CCDC80: variants seen among roughly 807,000 people sequenced by gnomAD.
The protein encoded by CCDC80 is coiled-coil domain-containing protein 80.
In CCDC80, 49 loss-of-function variants were observed where a neutral mutation model predicts 78.7. The observed-to-expected ratio is 0.62, with a 90% CI of 0.50 to 0.79. CCDC80 has a LOEUF of 0.79. Among genes scored for constraint, CCDC80 ranks in the 30% least tolerant of loss-of-function variants. The pLI is 0.00. For missense variants in CCDC80, 1,205 were observed against 1,198.6 expected, an observed-to-expected ratio of 1.01 and a Z score of -0.08; for synonymous variants, 488 against 447.0, an observed-to-expected ratio of 1.09 and a Z score of -1.16.
In CCDC80 at chr3:112,638,024, T is replaced by C; in HGVS notation, c.1878+4A>G. On this transcript the variant is annotated splice_donor_region_variant and intron_variant, in intron 2 of 7. Coordinates refer to ENST00000206423, the MANE Select transcript of CCDC80 (RefSeq NM_199511.3). ...AGAAGAATGCCAAGGAGAAGGCTAC[T>C]TACAAGGAGTCTTCGTTTGCCTTCA... is the stretch of plus-strand genomic sequence containing the variant. 6.3e-7 allele frequency: 1 copy of C among 1,589,486 alleles called. No homozygotes were observed. The highest frequency in any genetic ancestry group is 8.5e-7 in the Non-Finnish European group (1 of 1,172,166).
chr3:112,636,337 G>A (rs1936207878), intron 2 of CCDC80, among the ~76,000 whole-genome samples: 1 of 151,418 alleles, frequency 6.6e-6, no homozygotes, highest in African/African-American at 2.4e-5. Flanking sequence ...GAATATCCAA[G>A]CGACCTGATA....
chr3:112,637,736 G>T (rs896784312), intron 2 of CCDC80, among the ~76,000 whole-genome samples: 3 of 152,188 alleles, frequency 2.0e-5, no homozygotes, highest in Admixed American at 6.5e-5. Flanking sequence ...GGTCCCTACA[G>T]GTCTAGAGGA....
intron 6 of CCDC80, 73 bp from the exon 7 acceptor site, chr3:112,607,329 T>C (rs965129234): frequency 3.8e-6 from 4 of 1,064,110 alleles, no homozygotes; most frequent in Admixed American, 4.6e-5. Context: ...AGCCCTGATA[T>C]CTGACAATTA....
intron 7 of CCDC80, 75 bp downstream of exon 7, chr3:112,607,101 T>C: frequency 9.1e-7 from 1 of 1,099,362 alleles, no homozygotes; most frequent in Non-Finnish European, 1.4e-6. Context: ...ATACACCCAC[T>C]GCTTGCATAT....
intron 2 of CCDC80, among the ~76,000 whole-genome samples, chr3:112,633,567 T>C (rs1327424742): frequency 1.3e-5 from 2 of 152,200 alleles, no homozygotes; most frequent in Admixed American, 1.3e-4. Context: ...TCCGGTTATA[T>C]AGATCACCCT....
At chr3:112,606,395 CTT>C (rs111596250) in intron 7 of CCDC80, among the ~76,000 whole-genome samples, 1 of 146,160 alleles carries the variant, frequency 6.8e-6, no homozygotes, top group African/African-American at 2.6e-5. Context: ...AGTCAAGAGT[CTT>C]TTTTTGTTTT....
At chr3:112,640,188 T>C in intron 1 of CCDC80, 139 bp downstream of exon 1, 1 of 431,168 alleles carries the variant, frequency 2.3e-6, no homozygotes, top group South Asian at 3.6e-5. Context: ...GCTTGTACTG[T>C]TTCAACTAAT....
Position 112,630,140 on chromosome 3 carries a change from T to C in CCDC80, c.2008A>G (p.Thr670Ala). The C allele has an allele frequency of 1.2e-6, 2 of 1,613,908 alleles. No individual in the cohort carries two copies. The highest frequency in any genetic ancestry group is 8.5e-7 in the Non-Finnish European group (1 of 1,179,834). The part of the protein sequence containing the change: ...ITIFGPVNNS[T>A]MKIDHFQLDN... ...AGCTGAAAGTGGTCGATTTTCATGG[T>C]GCTGTTGTTGACAGGGCCGAAGATG... is the stretch of plus-strand genomic sequence containing the variant. Residue 670 changes from threonine (T) to alanine (A), a missense_variant, in exon 3 of 8, where the codon ACC (threonine) becomes GCC (alanine). Thr to Ala is a moderately conservative substitution (Grantham distance 58, BLOSUM62 0). Transcript: ENST00000206423.
intron 5 of CCDC80, among the ~76,000 whole-genome samples, chr3:112,614,107 T>G (rs1025546677): frequency 1.3e-5 from 2 of 152,088 alleles, no homozygotes; most frequent in Non-Finnish European, 2.9e-5. Flanking sequence ...GATCTTTAAG[T>G]ACTAGGAAAG....
At chr3:112,615,848 T>C (rs973815854) in intron 5 of CCDC80, among the ~76,000 whole-genome samples, 2 of 152,110 alleles carry the variant, frequency 1.3e-5, no homozygotes, top group African/African-American at 4.8e-5. Context: ...CCCTATATGG[T>C]CTAAAAAGGA....
rs750608466 is a variant in CCDC80, at chr3:112,597,415, G to A, written c.*8002C>T. 7 of 152,178 alleles carry A rather than the reference G, an allele frequency of 4.6e-5. No homozygotes were observed. Among genetic ancestry groups the A allele is most frequent in the Non-Finnish European group, 8.8e-5 (6 of 68,032 alleles). The allele number at this position is 152,178 out of a possible 1,614,324, so 9.4% of individuals were successfully genotyped here. ...TCCTACTGCAGAGCTTCTTCACGTT[G>A]GAATGGTGAATAGGTACACATTTCT... On this transcript the variant is annotated 3_prime_UTR_variant, in exon 8 of 8. Coordinates refer to ENST00000206423, the MANE Select transcript of CCDC80 (RefSeq NM_199511.3).
rs1250810222 is a variant in CCDC80 at position 112,598,046 on chromosome 3, G to A, written c.*7371C>T. ...GTATTAAGAACTGGGTTGATCAAAT[G>A]GTTCTTTCTTTGCACATATCAAGGC... is the stretch of plus-strand genomic sequence containing the variant. On this transcript the variant is annotated 3_prime_UTR_variant, in exon 8 of 8. Coordinates refer to ENST00000206423, the MANE Select transcript of CCDC80 (RefSeq NM_199511.3). The A allele has an allele frequency of 1.3e-5, 2 of 152,156 alleles. No individual in the cohort carries two copies. The highest frequency in any genetic ancestry group is 2.9e-5 in the Non-Finnish European group (2 of 68,036). The allele number at this position is 152,156 out of a possible 1,614,324, so 9.4% of individuals were successfully genotyped here. A position where few individuals can be genotyped will look rare whatever the true frequency, so the allele number is the denominator to read the frequency against.
chr3:112,623,657 G>A (rs1576788592), intron 3 of CCDC80, among the ~76,000 whole-genome samples: 1 of 152,030 alleles, frequency 6.6e-6, no homozygotes, highest in African/African-American at 2.4e-5. Context: ...TAAAAACAAA[G>A]AGCTACTGTC....
At chr3:112,635,971 T>A (rs561804833) in intron 2 of CCDC80, among the ~76,000 whole-genome samples, 1 of 152,348 alleles carries the variant, frequency 6.6e-6, no homozygotes, top group South Asian at 2.1e-4. Context: ...AACCCCCTTT[T>A]TTGACTCACA....
At position 112,602,554 on chromosome 3, in the gene CCDC80, A is replaced by T. The variant is rs1045433769; in HGVS notation, c.*2863T>A. The T allele has an allele frequency of 6.6e-6, 1 of 152,260 alleles. No homozygotes were observed. The highest frequency in any genetic ancestry group is 1.5e-5 in the Non-Finnish European group (1 of 68,050). 9.4% of individuals were successfully genotyped at this position (152,260 alleles called of 1,614,324 possible). On this transcript the variant is annotated 3_prime_UTR_variant, in exon 8 of 8. Coordinates refer to ENST00000206423, the MANE Select transcript of CCDC80 (RefSeq NM_199511.3). ...GTGCTACTTTGTGAATGCATGAATGATAAAAAAGTAAAACAGCCTTACTGC... is the reference window on the plus strand; with the variant it reads ...GTGCTACTTTGTGAATGCATGAATGTTAAAAAAGTAAAACAGCCTTACTGC...
At chr3:112,617,051 A>G (rs961800956) in intron 4 of CCDC80, among the ~76,000 whole-genome samples, 193 bp from the exon 5 acceptor site, 18 of 152,196 alleles carry the variant, frequency 1.2e-4, no homozygotes, top group Admixed American at 9.2e-4. Context: ...TGGAGTCCAT[A>G]AAACAACTGC....
At position 112,638,103 on chromosome 3, in the gene CCDC80, G is replaced by C. The variant is rs534275331; in HGVS notation, c.1803C>G (p.Asn601Lys). Residue 601 changes from asparagine (N) to lysine (K), a missense_variant, in exon 2 of 8, where the codon AAC becomes AAG. Asn to Lys is a moderately conservative substitution (Grantham distance 94). Transcript: ENST00000206423. ...TCTTGGGACTCTGCGTGAAGTGTTT[G>C]TTGGTGGGTTTCTGATAGCCATCCT... ...TEQDGYQKPT[N>K]KHFTQSPKKS... is the part of the protein sequence containing the mutation. 1.2e-6 allele frequency: 2 copies of C among 1,614,168 alleles called. No homozygotes were observed. The highest frequency in any genetic ancestry group is 1.7e-5 in the Admixed American group (1 of 60,014).
Position 112,604,088 on chromosome 3 carries a change from A to AGAAAGTGATTTCTTG in CCDC80, c.*1314_*1328dup, listed in dbSNP as rs1378340505. ...AGACTTGCTTCTTATGAATGAACGAAGAAAGTGATTTCTTGAGATGGAATC... is the reference window on the plus strand; with the variant it reads ...AGACTTGCTTCTTATGAATGAACGAAGAAAGTGATTTCTTGGAAAGTGATTTCTTGAGATGGAATC... On this transcript the variant is annotated 3_prime_UTR_variant, in exon 8 of 8. Transcript: ENST00000206423. 3 of 152,396 alleles carry AGAAAGTGATTTCTTG rather than the reference A, an allele frequency of 2.0e-5. No individual in the cohort carries two copies. Among genetic ancestry groups the AGAAAGTGATTTCTTG allele is most frequent in the Admixed American group, 2.0e-4 (3 of 15,310 alleles). The allele number at this position is 152,396 out of a possible 1,614,324, so 9.4% of individuals were successfully genotyped here.
At position 112,598,721 on chromosome 3, in the gene CCDC80, A is replaced by G. The variant is rs1036479137; in HGVS notation, c.*6696T>C. 5.3e-5 allele frequency: 8 copies of G among 152,182 alleles called. No homozygotes were observed. The highest frequency in any genetic ancestry group is 1.9e-4 in the East Asian group (1 of 5,194). 9.4% of individuals were successfully genotyped at this position (152,182 alleles called of 1,614,324 possible). A position where few individuals can be genotyped will look rare whatever the true frequency, so the allele number is the denominator to read the frequency against. On this transcript the variant is annotated 3_prime_UTR_variant, in exon 8 of 8. Coordinates refer to ENST00000206423, the MANE Select transcript of CCDC80 (RefSeq NM_199511.3). Reference sequence around the variant, plus strand: ...ACGCATTTGTGGTCTCAAGTTAGGAAACTGTTGAAGAACAAATATGTCCCT... The same window carrying G: ...ACGCATTTGTGGTCTCAAGTTAGGAGACTGTTGAAGAACAAATATGTCCCT...
Sources: gnomAD v4.1 joint callset for allele counts (sites outside exome capture counted in the v4.1 genomes callset) on GRCh38, gnomAD v4.1.1 for gene constraint, MANE v1.5 for transcripts, NCBI Gene and HGNC (gene_info 2026-07-23, HGNC 2026-07-21) for gene names.